The following ENTHD1 variants were observed in gnomAD, a reference collection of about 807,000 sequenced individuals.
The protein encoded by ENTHD1 is ENTH domain containing 1.
In ENTHD1, 23 loss-of-function variants were observed where a neutral mutation model predicts 39.1. That is an observed-to-expected ratio of 0.59 (90% CI 0.42 to 0.83). The LOEUF is 0.83. Ranked by LOEUF, ENTHD1 falls within the 40% of genes least tolerant of loss-of-function variation. The pLI is 0.00. For synonymous variants in ENTHD1, 230 were observed against 258.2 expected, an observed-to-expected ratio of 0.89 and a Z score of 1.05; for missense variants, 624 against 705.4, an observed-to-expected ratio of 0.88 and a Z score of 1.31.
chr22:39,871,172 AAAAT>A (rs58727605), intron 2 of ENTHD1, among the ~76,000 whole-genome samples: 28,333 of 141,104 alleles, frequency 0.2, 3,163 homozygotes, highest in African/African-American at 0.31. Flanking sequence ...CCCATCTTCT[AAAAT>A]AAATAAATAA....
chr22:39,849,610 A>ATTTTGTACTTC (rs2146701884), intron 3 of ENTHD1, among the ~76,000 whole-genome samples: 1 of 152,276 alleles, frequency 6.6e-6, no homozygotes, highest in East Asian at 1.9e-4. Flanking sequence ...CAGTGTACAG[A>ATTTTGTACTTC]TTTTGTACTT....
intron 2 of ENTHD1, among the ~76,000 whole-genome samples, chr22:39,869,983 CTTTATTTATTTATTTATTTA>C (rs137943): frequency 7.1e-6 from 1 of 140,630 alleles, no homozygotes; most frequent in Non-Finnish European, 1.5e-5. Context: ...GAGAACAGTA[CTTTATTTATTTATTTATTTA>C]TTTATTTATT....
chr22:39,815,057 G>C (rs1000394981), intron 5 of ENTHD1, among the ~76,000 whole-genome samples: 1 of 152,140 alleles, frequency 6.6e-6, no homozygotes, highest in Non-Finnish European at 1.5e-5. Context: ...ACAACCAACT[G>C]AAAAATGACC....
intron 2 of ENTHD1, chr22:39,876,010 G>A: frequency 6.2e-7 from 1 of 1,613,908 alleles, no homozygotes; most frequent in Non-Finnish European, 8.5e-7. Flanking sequence ...CTTGCCATGG[G>A]TCACACTATG....
intron 3 of ENTHD1, among the ~76,000 whole-genome samples, chr22:39,859,014 C>G (rs528604591): frequency 7.2e-5 from 11 of 152,302 alleles, no homozygotes; most frequent in Admixed American, 2.0e-4. Context: ...TTAGCTAGAT[C>G]TTCTGGATAA....
rs755953008 is a variant in ENTHD1 at position 39,821,040 on chromosome 22, A to T, written c.785T>A (p.Ile262Asn). The T allele has an allele frequency of 1.2e-6, 2 of 1,614,096 alleles. No individual in the cohort carries two copies. Among genetic ancestry groups the T allele is most frequent in the South Asian group, 2.2e-5 (2 of 91,080 alleles). Reference protein sequence around the residue: ...LATPPSIVSPITCLSEAEEVC... With the variant: ...LATPPSIVSPNTCLSEAEEVC... Reference sequence around the variant, plus strand: ...TTCTTCTGCTTCTGACAAGCAAGTGATTGGAGAGACAATGGAAGGAGGTGT... The same window carrying T: ...TTCTTCTGCTTCTGACAAGCAAGTGTTTGGAGAGACAATGGAAGGAGGTGT... The change falls in exon 5 of 7, where the codon ATC becomes AAC. Residue 262 changes from isoleucine (I) to asparagine (N), a missense_variant. Coordinates refer to ENST00000325157, the MANE Select transcript of ENTHD1 (RefSeq NM_152512.4).
At chr22:39,772,746 A>G (rs746571632) in intron 5 of ENTHD1, among the ~76,000 whole-genome samples, 2 of 152,200 alleles carry the variant, frequency 1.3e-5, no homozygotes, top group African/African-American at 2.4e-5. Flanking sequence ...ACACCCTATA[A>G]AAACAAAATT....
intron 5 of ENTHD1, among the ~76,000 whole-genome samples, chr22:39,792,805 A>T (rs1289292669): frequency 1.3e-5 from 2 of 151,956 alleles, no homozygotes; most frequent in Non-Finnish European, 2.9e-5. Context: ...TTGTGTATAT[A>T]TACCACGTTT....
intron 2 of ENTHD1, among the ~76,000 whole-genome samples, chr22:39,868,365 AAAGG>A (rs1175504245): frequency 2.6e-5 from 4 of 151,560 alleles, no homozygotes; most frequent in African/African-American, 9.7e-5. Flanking sequence ...AAAAAAAAAA[AAAGG>A]AAGGAAATGA....
chr22:39,779,394 A>G (rs1421848756), intron 5 of ENTHD1, among the ~76,000 whole-genome samples: 2 of 152,160 alleles, frequency 1.3e-5, no homozygotes, highest in African/African-American at 4.8e-5. Context: ...AGCAGATTTA[A>G]CAAAGATCCA....
intron 5 of ENTHD1, among the ~76,000 whole-genome samples, chr22:39,813,707 T>A (rs2065711241): frequency 6.6e-6 from 1 of 152,200 alleles, no homozygotes; most frequent in Admixed American, 6.5e-5. Context: ...TCATTCCACC[T>A]AGCATGGTAT....
rs141027508 is a variant in ENTHD1 at position 39,858,731 on chromosome 22, G to T, written c.592+3034C>A. ...TACATCTCCATCAGAGCTCTTGGGT[G>T]ACCAGGTGCACTGTCAATGAGCAGT... On this transcript the variant is annotated intron_variant, in intron 3 of 6. Transcript: ENST00000325157. Among the ~76,000 whole-genome samples the T allele has an allele frequency of 2.6e-4, 40 of 152,302 alleles. 2 individuals are homozygous for T. In the East Asian group the frequency reaches 7.7e-3, roughly 29 times the overall value.
intron 5 of ENTHD1, among the ~76,000 whole-genome samples, chr22:39,775,915 G>T (rs1015172576): frequency 6.6e-6 from 1 of 152,088 alleles, no homozygotes; most frequent in Admixed American, 6.6e-5. Flanking sequence ...TTAAGGGGTT[G>T]GGGGCAGGTT....
Position 39,744,298 on chromosome 22 carries a change from T to A in ENTHD1, c.1220-15A>T. 6.4e-7 allele frequency: 1 copy of A among 1,560,798 alleles called. No individual in the cohort carries two copies. The highest frequency in any genetic ancestry group is 8.6e-7 in the Non-Finnish European group (1 of 1,158,876). ...AGCAGTTGAAACTAAAATGTGTAAA[T>A]GAGAGAAAAAAGATTTATGCAACAT... On this transcript the variant is annotated splice_polypyrimidine_tract_variant and intron_variant, in intron 6 of 6. Coordinates refer to ENST00000325157, the MANE Select transcript of ENTHD1 (RefSeq NM_152512.4).
Position 39,876,283 on chromosome 22 carries a change from G to A in ENTHD1, c.349+11117C>T, listed in dbSNP as rs368165834. Among the ~76,000 whole-genome samples the A allele has an allele frequency of 4.6e-5, 7 of 152,236 alleles. No individual in the cohort carries two copies. The East Asian group carries it at 1.4e-3, about 29-fold the overall frequency. ...TTGAATTTAATGTTGAATACTTTCA[G>A]GCATTCACTTAATAAAGCCACTGTT... On this transcript the variant is annotated intron_variant, in intron 2 of 6. Transcript: ENST00000325157.
Position 39,861,856 on chromosome 22 carries a change from T to C in ENTHD1, c.501A>G (p.Ser167=). 2 of 1,605,818 alleles carry C rather than the reference T, an allele frequency of 1.2e-6. No individual in the cohort carries two copies. Among genetic ancestry groups the C allele is most frequent in the Non-Finnish European group, 1.7e-6 (2 of 1,174,408 alleles). Residue 167 remains serine, a synonymous_variant, in exon 3 of 7, where the codon TCA becomes TCG. Transcript: ENST00000325157. ...FSKRQLGSSN[S]LTACTSAPTP... is the part of the protein sequence containing the mutation. ...TGGGGGCAGAAGTGCACGCTGTCAG[T>C]GAGTTACTTGAACCAAGTTGTCTTT... is the stretch of plus-strand genomic sequence containing the variant.
At chr22:39,783,716 A>G (rs189428532) in intron 5 of ENTHD1, among the ~76,000 whole-genome samples, 1 of 152,294 alleles carries the variant, frequency 6.6e-6, no homozygotes, top group Non-Finnish European at 1.5e-5. Flanking sequence ...ATGAAATTAG[A>G]TCCCTATCTC....
intron 5 of ENTHD1, among the ~76,000 whole-genome samples, chr22:39,814,616 G>A (rs1457693398): frequency 6.6e-6 from 1 of 152,208 alleles, no homozygotes; most frequent in Non-Finnish European, 1.5e-5. Flanking sequence ...ATGCATATGT[G>A]TAAATCTGCT....
At chr22:39,824,268 G>A (rs1358502186) in intron 4 of ENTHD1, among the ~76,000 whole-genome samples, 3 of 122,652 alleles carry the variant, frequency 2.4e-5, no homozygotes, top group Admixed American at 1.1e-4. Context: ...GGAGTGCAAC[G>A]GCACGATCTC....
Sources: gnomAD v4.1 joint callset for allele counts (sites outside exome capture counted in the v4.1 genomes callset) on GRCh38, gnomAD v4.1.1 for gene constraint, MANE v1.5 for transcripts, NCBI Gene and HGNC (gene_info 2026-07-23, HGNC 2026-07-21) for gene names.